Variants in ICOS observed in about 807,000 individuals in gnomAD.
ICOS encodes inducible T cell costimulator, also known as inducible T-cell costimulator.
Under a neutral mutation model 24.6 loss-of-function variants are expected in ICOS, and 15 were observed. The ratio of observed to expected loss-of-function variants is 0.61; its 90% CI spans 0.41 to 0.94. ICOS has a LOEUF of 0.94. Ranked by LOEUF, ICOS falls within the 40% of genes least tolerant of loss-of-function variation. The probability of loss-of-function intolerance (pLI) is 0.00; values close to 1 mark genes in which losing one functional copy is unlikely to be tolerated. For synonymous variants in ICOS, 89 were observed against 77.5 expected, an observed-to-expected ratio of 1.15 and a Z score of -0.78; for missense variants, 200 against 233.0, an observed-to-expected ratio of 0.86 and a Z score of 0.92.
intron 2 of ICOS, 133 bp downstream of exon 2, chr2:203,956,104 A>G (rs1690075009): frequency 3.1e-6 from 2 of 642,264 alleles, no homozygotes; most frequent in Non-Finnish European, 5.4e-6. Flanking sequence ...GATGGTAATC[A>G]TTTATAATGA....
In ICOS at chr2:203,952,969, T is replaced by G. The variant is rs574642484; in HGVS notation, c.59-2667T>G. Among the ~76,000 whole-genome samples, 520 of 152,316 alleles carry G rather than the reference T, an allele frequency of 3.4e-3. 2 individuals are homozygous for G. The highest frequency in any genetic ancestry group is 0.012 in the African/African-American group (495 of 41,584). On this transcript the variant is annotated intron_variant, in intron 1 of 4. Transcript: ENST00000316386. The stretch of plus-strand genomic sequence containing the variant: ...TTTTTTGAGGCCTAGGATGTAAACC[T>G]TTTCTTCTTGTAATAGTTTGCATTT...
intron 1 of ICOS, among the ~76,000 whole-genome samples, chr2:203,943,632 C>A (rs10804133): frequency 4.6e-5 from 7 of 151,992 alleles, no homozygotes; most frequent in Non-Finnish European, 8.8e-5. Context: ...GCTGGTTGGC[C>A]TCCTGCCAGG....
At chr2:203,940,887 G>A (rs1689755990) in intron 1 of ICOS, among the ~76,000 whole-genome samples, 1 of 151,986 alleles carries the variant, frequency 6.6e-6, no homozygotes, top group South Asian at 2.1e-4. Context: ...GGGTTGAAGC[G>A]ATTCTCCTGC....
rs142449365 is a variant in ICOS, at chr2:203,943,518, G to T, written c.58+6646G>T. On this transcript the variant is annotated intron_variant, in intron 1 of 4. Transcript: ENST00000316386. ...TTCCTGTGATGTGAACCATCTATGG[G>T]TCTCTCAGCCATGGATACCAGTGCT... Among the ~76,000 whole-genome samples the T allele has an allele frequency of 5.8e-3, 877 of 152,272 alleles. 12 individuals are homozygous for T. Among genetic ancestry groups the T allele is most frequent in the African/African-American group, 0.018 (746 of 41,544 alleles).
intron 3 of ICOS, among the ~76,000 whole-genome samples, chr2:203,957,117 G>T (rs531206745): frequency 6.6e-6 from 1 of 152,228 alleles, no homozygotes; most frequent in East Asian, 1.9e-4. Flanking sequence ...AAATTATTAT[G>T]CATGGGCTGC....
chr2:203,960,118 T>G lies in ICOS; in HGVS notation c.*519T>G, dbSNP rs772207696. On this transcript the variant is annotated 3_prime_UTR_variant, in exon 5 of 5. Transcript: ENST00000316386. Reference sequence around the variant, plus strand: ...TTATTTCTGAGATGTTGATGTGAACTGTACATTAGTACATACTCAGTACTC... The same window carrying G: ...TTATTTCTGAGATGTTGATGTGAACGGTACATTAGTACATACTCAGTACTC... 9.1e-6 allele frequency: 2 copies of G among 219,742 alleles called. No individual in the cohort carries two copies. The highest frequency in any genetic ancestry group is 1.8e-5 in the Non-Finnish European group (2 of 108,772). 13.6% of individuals were successfully genotyped at this position (219,742 alleles called of 1,614,324 possible).
intron 1 of ICOS, among the ~76,000 whole-genome samples, chr2:203,943,629 G>A (rs1689816971): frequency 6.6e-6 from 1 of 152,132 alleles, no homozygotes; most frequent in Admixed American, 6.5e-5. Context: ...TGTGCTGGTT[G>A]GCCTCCTGCC....
intron 2 of ICOS, 66 bp downstream of exon 2, chr2:203,956,037 A>G (rs1222757560): frequency 5.7e-6 from 6 of 1,050,696 alleles, no homozygotes; most frequent in Non-Finnish European, 8.6e-6. Context: ...TTTCTCACTA[A>G]TAAAATCAAT....
At chr2:203,940,824 C>T (rs1689754676) in intron 1 of ICOS, among the ~76,000 whole-genome samples, 1 of 152,056 alleles carries the variant, frequency 6.6e-6, no homozygotes, top group African/African-American at 2.4e-5. Flanking sequence ...CACTCTGTCG[C>T]CCAGGCTGGA....
At chr2:203,955,064 T>C (rs1403676182) in intron 1 of ICOS, among the ~76,000 whole-genome samples, 1 of 152,000 alleles carries the variant, frequency 6.6e-6, no homozygotes, top group Admixed American at 6.6e-5. Flanking sequence ...GGTAGACAAT[T>C]CCTTCTCCCC....
At chr2:203,938,285 A>G (rs1044205769) in intron 1 of ICOS, among the ~76,000 whole-genome samples, 3 of 152,200 alleles carry the variant, frequency 2.0e-5, no homozygotes, top group African/African-American at 7.2e-5. Context: ...CGGAGATTTC[A>G]AGGACAAGGT....
At chr2:203,940,966 C>A (rs1375686888) in intron 1 of ICOS, among the ~76,000 whole-genome samples, 1 of 151,908 alleles carries the variant, frequency 6.6e-6, no homozygotes, top group Non-Finnish European at 1.5e-5. Flanking sequence ...TTGTATTTTT[C>A]GTAGAGACGG....
At position 203,956,697 on chromosome 2, in the gene ICOS, A is replaced by T; in HGVS notation, c.433A>T (p.Ile145Leu). Residue 145 changes from isoleucine to leucine, a missense_variant, in exon 3 of 5, where the codon ATA becomes TTA. Ile to Leu is a conservative substitution (Grantham distance 5). Coordinates refer to ENST00000316386, the MANE Select transcript of ICOS (RefSeq NM_012092.4). ...LCCQLKFWLPIGCAAFVVVCI... is the reference protein window; with the variant it reads ...LCCQLKFWLPLGCAAFVVVCI... ...TTGCCAGCTGAAGTTCTGGTTACCC[A>T]TAGGATGTGCAGCCTTTGTTGTAGT... 1 of 1,613,538 alleles carries T rather than the reference A, an allele frequency of 6.2e-7. No homozygotes were observed. The highest frequency in any genetic ancestry group is 1.3e-5 in the African/African-American group (1 of 75,024).
At chr2:203,957,737 T>A in intron 3 of ICOS, 62 bp from the exon 4 acceptor site, 1 of 1,243,758 alleles carries the variant, frequency 8.0e-7, no homozygotes, top group South Asian at 1.2e-5. Context: ...TAGAAAACAG[T>A]CAAAAAACAA....
rs750304925 is a variant in ICOS, at chr2:203,957,903, T to G, written c.586+20T>G. 102 of 1,492,784 alleles carry G rather than the reference T, an allele frequency of 6.8e-5. No homozygotes were observed. Among genetic ancestry groups the G allele is most frequent in the Non-Finnish European group, 9.3e-5 (100 of 1,070,170 alleles). The allele number at this position is 1,492,784 out of a possible 1,614,324, so 92.5% of individuals were successfully genotyped here. The stretch of plus-strand genomic sequence containing the variant: ...TCACAGGTATGACTCCATTTGGGGG[T>G]TTGGGAAGGGAAGAGGTTTCTTCAC... On this transcript the variant is annotated intron_variant, in intron 4 of 4. Coordinates refer to ENST00000316386, the MANE Select transcript of ICOS (RefSeq NM_012092.4).
chr2:203,960,654 G>C lies in ICOS; in HGVS notation c.*1055G>C, dbSNP rs1690164619. 1 of 152,194 alleles carries C rather than the reference G, an allele frequency of 6.6e-6. No individual in the cohort carries two copies. 9.4% of individuals were successfully genotyped at this position (152,194 alleles called of 1,614,324 possible). A position where few individuals can be genotyped will look rare whatever the true frequency, so the allele number is the denominator to read the frequency against. ...GTAGAGCAGAATATTCATTTAGCCT[G>C]AAAGCTGCAGTTACTATAGGTTGCT... is the stretch of plus-strand genomic sequence containing the variant. On this transcript the variant is annotated 3_prime_UTR_variant, in exon 5 of 5. Transcript: ENST00000316386.
chr2:203,947,629 G>C (rs1429239153), intron 1 of ICOS, among the ~76,000 whole-genome samples: 1 of 152,136 alleles, frequency 6.6e-6, no homozygotes, highest in African/African-American at 2.4e-5. Flanking sequence ...GTTAGCAGCA[G>C]TTAACAGTCT....
intron 1 of ICOS, among the ~76,000 whole-genome samples, chr2:203,946,410 T>C (rs201438118): frequency 2.3e-3 from 1 of 430 alleles, no homozygotes; most frequent in Non-Finnish European, 9.8e-3. Flanking sequence ...CTTCTTCCCA[T>C]TTTTTTTTTT....
chr2:203,951,316 A>G (rs370687586), intron 1 of ICOS, among the ~76,000 whole-genome samples: 2 of 152,204 alleles, frequency 1.3e-5, no homozygotes, highest in East Asian at 1.9e-4. Context: ...GACTTACCCA[A>G]CAGCAAAGAA....
Sources: allele counts gnomAD v4.1 joint callset (sites outside exome capture counted in the v4.1 genomes callset), GRCh38; gene constraint gnomAD v4.1.1; transcripts MANE v1.5; gene names NCBI Gene and HGNC (gene_info 2026-07-23, HGNC 2026-07-21).